NUDCD1: variants seen among roughly 807,000 people sequenced by gnomAD.
NUDCD1 encodes the protein NudC domain containing 1.
Under a neutral mutation model 67.8 loss-of-function variants are expected in NUDCD1, and 60 were observed. The ratio of observed to expected loss-of-function variants is 0.88; its 90% CI spans 0.72 to 1.10. The LOEUF (loss-of-function observed/expected upper bound fraction) is 1.10. Among genes scored for constraint, NUDCD1 ranks in the 50% least tolerant of loss-of-function variants. The pLI is 0.00. For synonymous variants in NUDCD1, 244 were observed against 230.8 expected (o/e 1.06, Z -0.52); for missense variants, 643 against 695.0 (o/e 0.93, Z 0.84).
intron 2 of NUDCD1, among the ~76,000 whole-genome samples, chr8:109,302,633 C>T (rs1320198800): frequency 6.6e-6 from 1 of 152,180 alleles, no homozygotes; most frequent in African/African-American, 2.4e-5. Context: ...CAACGATTTC[C>T]TCTTAGAGGT....
At chr8:109,282,850 A>AC (rs917212288) in intron 5 of NUDCD1, among the ~76,000 whole-genome samples, 42 of 151,992 alleles carry the variant, frequency 2.8e-4, no homozygotes, top group Non-Finnish European at 1.0e-4. Flanking sequence ...TTCCAAAAAA[A>AC]AAAAGAAACC....
intron 2 of NUDCD1, chr8:109,298,580 T>C (rs1395595275): frequency 6.6e-6 from 1 of 152,118 alleles, no homozygotes; most frequent in East Asian, 1.9e-4. Context: ...AATCTCAGGA[T>C]AGAAAAAGTC....
In NUDCD1 at chr8:109,266,346, C is replaced by T. The variant is rs981642201; in HGVS notation, c.1299+4659G>A. On this transcript the variant is annotated intron_variant, in intron 8 of 9. Coordinates refer to ENST00000239690, the MANE Select transcript of NUDCD1 (RefSeq NM_032869.4). ...GTTCACACCATTTTCCTGCCTCAGC[C>T]TCCCAAGTAGCTGGGACTACAGGTG... is the stretch of plus-strand genomic sequence containing the variant. Among the ~76,000 whole-genome samples the T allele has an allele frequency of 2.0e-5, 3 of 151,318 alleles. No individual in the cohort carries two copies. The South Asian group carries it at 6.3e-4, about 32-fold the overall frequency.
chr8:109,331,350 A>G (rs1222875458), intron 1 of NUDCD1, among the ~76,000 whole-genome samples: 1 of 150,164 alleles, frequency 6.7e-6, no homozygotes, highest in Non-Finnish European at 1.5e-5. Flanking sequence ...ACAAAAACAA[A>G]AAGAAACAAA....
Position 109,311,880 on chromosome 8 carries a change from G to A in NUDCD1, c.273+10429C>T, listed in dbSNP as rs555441597. Among the ~76,000 whole-genome samples, 5 of 152,070 alleles carry A rather than the reference G, an allele frequency of 3.3e-5. No homozygotes were observed. In the East Asian group the frequency reaches 5.8e-4, roughly 18 times the overall value. On this transcript the variant is annotated intron_variant, in intron 2 of 9. Coordinates refer to ENST00000239690, the MANE Select transcript of NUDCD1 (RefSeq NM_032869.4). ...CTTTACCAAAATCTCACAAATCACC[G>A]TTAAAGAACTTACTCCTGTAACCAA... is the stretch of plus-strand genomic sequence containing the variant.
At chr8:109,330,395 G>C (rs1211571875) in intron 1 of NUDCD1, among the ~76,000 whole-genome samples, 1 of 152,202 alleles carries the variant, frequency 6.6e-6, no homozygotes, top group African/African-American at 2.4e-5. Flanking sequence ...TCAAAGGTTT[G>C]TGGAACTAAA....
intron 8 of NUDCD1, among the ~76,000 whole-genome samples, chr8:109,250,130 C>A (rs962486000): frequency 6.6e-6 from 1 of 152,106 alleles, no homozygotes; most frequent in East Asian, 1.9e-4. Flanking sequence ...CAGGTGTGAG[C>A]CACTGGTGCC....
Position 109,242,736 on chromosome 8 carries a change from A to C in NUDCD1, c.*273T>G, listed in dbSNP as rs191536780. The C allele has an allele frequency of 4.4e-6, 1 of 225,414 alleles. No homozygotes were observed. Among genetic ancestry groups the C allele is most frequent in the Non-Finnish European group, 8.8e-6 (1 of 113,890 alleles). 14.0% of individuals were successfully genotyped at this position (225,414 alleles called of 1,614,324 possible). ...GTACATCTTTCATATAAAACATGAG[A>C]TTCTAGCCTGTTTTAAAAAATAAGT... On this transcript the variant is annotated 3_prime_UTR_variant, in exon 10 of 10. Coordinates refer to ENST00000239690, the MANE Select transcript of NUDCD1 (RefSeq NM_032869.4).
chr8:109,248,998 T>A (rs548217693), intron 8 of NUDCD1, among the ~76,000 whole-genome samples: 2 of 152,124 alleles, frequency 1.3e-5, no homozygotes, highest in Non-Finnish European at 2.9e-5. Flanking sequence ...TAAAAAGAAA[T>A]TGTGTATTGC....
intron 5 of NUDCD1, among the ~76,000 whole-genome samples, chr8:109,284,281 T>C (rs1188898406): frequency 1.3e-5 from 2 of 152,126 alleles, no homozygotes; most frequent in African/African-American, 4.8e-5. Flanking sequence ...AGCACCCTGA[T>C]ACATAAAAAC....
intron 7 of NUDCD1, among the ~76,000 whole-genome samples, chr8:109,272,288 T>C (rs967339729): frequency 1.4e-4 from 21 of 151,942 alleles, no homozygotes; most frequent in South Asian, 1.0e-3. Context: ...AAAATATAAA[T>C]TTCTTAAATT....
intron 2 of NUDCD1, among the ~76,000 whole-genome samples, chr8:109,305,911 C>G (rs1408813705): frequency 6.6e-6 from 1 of 152,132 alleles, no homozygotes; most frequent in Non-Finnish European, 1.5e-5. Flanking sequence ...CCCCCTACTT[C>G]CCTTAAACTC....
At chr8:109,302,783 A>G (rs1815019315) in intron 2 of NUDCD1, among the ~76,000 whole-genome samples, 2 of 152,098 alleles carry the variant, frequency 1.3e-5, no homozygotes, top group Admixed American at 1.3e-4. Flanking sequence ...CAACCCTCAG[A>G]CGCTTTACCG....
In NUDCD1 at chr8:109,315,948, T is replaced by A. The variant is rs376216132; in HGVS notation, c.273+6361A>T. 1.4e-4 allele frequency: 22 copies of A among 151,860 alleles called. No individual in the cohort carries two copies. The East Asian group carries it at 4.2e-3, about 29-fold the overall frequency. 9.4% of individuals were successfully genotyped at this position (151,860 alleles called of 1,614,324 possible). On this transcript the variant is annotated intron_variant, in intron 2 of 9. Transcript: ENST00000239690. ...ATAGTTGTAACATGTCACTCCAAGA[T>A]GCAACCTCACACATATATTCTTACA...
Position 109,296,437 on chromosome 8 carries a change from A to G in NUDCD1, c.406T>C (p.Leu136=). ...CGTTCACCTGTTCCAATGACATACAATCTTCCAGTTCCATCTGACAAGGTA... is the reference window on the plus strand; with the variant it reads ...CGTTCACCTGTTCCAATGACATACAGTCTTCCAGTTCCATCTGACAAGGTA... The part of the protein sequence containing the change: ...WVTLSDGTGR[L]YVIGTGERGN... Residue 136 remains leucine, a synonymous_variant, in exon 3 of 10, where the codon TTG becomes CTG. Transcript: ENST00000239690. 1 of 1,613,722 alleles carries G rather than the reference A, an allele frequency of 6.2e-7. No individual in the cohort carries two copies.
At chr8:109,310,788 C>T (rs540514597) in intron 2 of NUDCD1, among the ~76,000 whole-genome samples, 2 of 148,046 alleles carry the variant, frequency 1.4e-5, no homozygotes, top group Non-Finnish European at 3.0e-5. Context: ...AAAAAGTGGG[C>T]TAAGGACGTG....
chr8:109,300,829 A>G (rs1019671398), intron 2 of NUDCD1, among the ~76,000 whole-genome samples: 1 of 152,228 alleles, frequency 6.6e-6, no homozygotes, highest in Non-Finnish European at 1.5e-5. Flanking sequence ...TGAAGGAAAG[A>G]ATCTTAAGAG....
At chr8:109,248,712 T>C (rs993099094) in intron 8 of NUDCD1, among the ~76,000 whole-genome samples, 1 of 139,808 alleles carries the variant, frequency 7.2e-6, no homozygotes, top group Non-Finnish European at 1.6e-5. Context: ...TTCCACTGTT[T>C]GGAAAAAAAA....
chr8:109,300,603 T>C (rs1437013857), intron 2 of NUDCD1, among the ~76,000 whole-genome samples: 1 of 152,094 alleles, frequency 6.6e-6, no homozygotes, highest in Non-Finnish European at 1.5e-5. Context: ...TGGGATTATG[T>C]TAAATGACCA....
Sources: allele counts gnomAD v4.1 joint callset (sites outside exome capture counted in the v4.1 genomes callset), GRCh38; gene constraint gnomAD v4.1.1; transcripts MANE v1.5; gene names NCBI Gene and HGNC (gene_info 2026-07-23, HGNC 2026-07-21).